ADCK1: variants seen among roughly 807,000 people sequenced by gnomAD.
ADCK1 encodes aarF domain-containing protein kinase 1.
Under a neutral mutation model 52.3 loss-of-function variants are expected in ADCK1, and 41 were observed. That is an observed-to-expected ratio of 0.78 (90% CI 0.61 to 1.02). ADCK1 has a LOEUF of 1.02. ADCK1 is among the 50% of genes least tolerant of loss of function. ADCK1 has a pLI of 0.00. For synonymous variants in ADCK1, 250 were observed against 274.6 expected (o/e 0.91, Z 0.89); for missense variants, 658 against 679.5 (o/e 0.97, Z 0.35).
intron 1 of ADCK1, among the ~76,000 whole-genome samples, chr14:77,813,803 T>C (rs1298048134): frequency 6.6e-6 from 1 of 151,814 alleles, no homozygotes; most frequent in Admixed American, 6.6e-5. Flanking sequence ...AGTCTCATGC[T>C]GTCACCCACG....
At chr14:77,926,938 G>T (rs1338691570) in intron 9 of ADCK1, among the ~76,000 whole-genome samples, 1 of 152,224 alleles carries the variant, frequency 6.6e-6, no homozygotes, top group Non-Finnish European at 1.5e-5. Flanking sequence ...CTATTAATTT[G>T]CCAGACCCAC....
chr14:77,895,496 G>A (rs1295796172), intron 5 of ADCK1, among the ~76,000 whole-genome samples: 1 of 152,226 alleles, frequency 6.6e-6, no homozygotes, highest in Non-Finnish European at 1.5e-5. Flanking sequence ...AACATTGGCT[G>A]TTAGAAGAAT....
intron 4 of ADCK1, among the ~76,000 whole-genome samples, chr14:77,872,922 G>A (rs554636963): frequency 1.3e-5 from 2 of 152,030 alleles, no homozygotes; most frequent in African/African-American, 4.8e-5. Context: ...GTGACCTGCC[G>A]GCCTTGACCT....
rs372953005 is a variant in ADCK1 at position 77,880,116 on chromosome 14, G to A, written c.424-6975G>A. Among the ~76,000 whole-genome samples, 55 of 152,310 alleles carry A rather than the reference G, an allele frequency of 3.6e-4. No homozygotes were observed. The East Asian group carries it at 6.6e-3, about 18-fold the overall frequency. On this transcript the variant is annotated intron_variant, in intron 4 of 10. Coordinates refer to ENST00000238561, the MANE Select transcript of ADCK1 (RefSeq NM_020421.4). The stretch of plus-strand genomic sequence containing the variant: ...AGCTGATAGACGTGTCTCAGAGTGC[G>A]CACACAGCCATCCTGGAGTATGGGT...
intron 7 of ADCK1, 143 bp from the exon 8 acceptor site, chr14:77,924,314 A>G (rs1277266049): frequency 2.3e-5 from 24 of 1,023,702 alleles, no homozygotes; most frequent in Non-Finnish European, 3.2e-5. Context: ...GTCATCTCAA[A>G]CAATCACTCC....
chr14:77,927,488 C>G (rs1208256758), intron 9 of ADCK1, among the ~76,000 whole-genome samples: 1 of 152,190 alleles, frequency 6.6e-6, no homozygotes, highest in Non-Finnish European at 1.5e-5. Context: ...AGCTGAGGAT[C>G]CCATGATGAA....
chr14:77,846,813 C>T (rs552779979), intron 3 of ADCK1, among the ~76,000 whole-genome samples: 2 of 152,212 alleles, frequency 1.3e-5, no homozygotes, highest in Non-Finnish European at 2.9e-5. Context: ...AGGGTTGCTC[C>T]CCTGCTTTTT....
At chr14:77,932,592 G>A (rs2084367042) in intron 10 of ADCK1, among the ~76,000 whole-genome samples, 1 of 152,174 alleles carries the variant, frequency 6.6e-6, no homozygotes, top group Admixed American at 6.5e-5. Context: ...GGTGAAAGGA[G>A]ATTTGACCAC....
In ADCK1 at chr14:77,933,448, T is replaced by A; in HGVS notation, c.*57T>A. 6.3e-7 allele frequency: 1 copy of A among 1,594,530 alleles called. No individual in the cohort carries two copies. Among genetic ancestry groups the A allele is most frequent in the Non-Finnish European group, 8.6e-7 (1 of 1,165,268 alleles). On this transcript the variant is annotated 3_prime_UTR_variant, in exon 11 of 11. Coordinates refer to ENST00000238561, the MANE Select transcript of ADCK1 (RefSeq NM_020421.4). ...TCTTTCCACTCCTCAGCCCCTCATC[T>A]TGCCTCCACCCAGCTGCTCCATTTT...
chr14:77,829,950 T>G lies in ADCK1; in HGVS notation c.219+7432T>G, dbSNP rs187677813. Among the ~76,000 whole-genome samples, 7 of 151,154 alleles carry G rather than the reference T, an allele frequency of 4.6e-5. No individual in the cohort carries two copies. The East Asian group carries it at 1.4e-3, about 30-fold the overall frequency. On this transcript the variant is annotated intron_variant, in intron 3 of 10. Transcript: ENST00000238561. ...TTGGGGGTTGTCTATAAGAAAAAGA[T>G]TAATTCAATGTTACTGGAGACTAGG...
In ADCK1 at chr14:77,859,219, G is replaced by A; in HGVS notation, c.363G>A (p.Gln121=). The part of the protein sequence containing the change: ...YTSTLKVLHS[Q]APQSSMQEIR... ...GCACGCTGAAGGTACTGCACAGCCA[G>A]GCTCCACAGAGCAGCATGCAAGAGA... is the stretch of plus-strand genomic sequence containing the variant. Residue 121 remains glutamine (Q), a synonymous_variant, in exon 4 of 11, where the codon CAG becomes CAA. Coordinates refer to ENST00000238561, the MANE Select transcript of ADCK1 (RefSeq NM_020421.4). The A allele has an allele frequency of 6.2e-7, 1 of 1,614,056 alleles. No homozygotes were observed. Among genetic ancestry groups the A allele is most frequent in the Non-Finnish European group, 8.5e-7 (1 of 1,179,996 alleles).
intron 7 of ADCK1, among the ~76,000 whole-genome samples, chr14:77,921,326 C>CAAAAGAAAAA (rs2084048490): frequency 2.4e-5 from 1 of 41,208 alleles, no homozygotes; most frequent in Non-Finnish European, 4.9e-5. Flanking sequence ...GACTCTGTCT[C>CAAAAGAAAAA]AAAAAAAAAA....
intron 4 of ADCK1, among the ~76,000 whole-genome samples, chr14:77,881,628 A>G (rs2083027279): frequency 6.6e-6 from 1 of 152,188 alleles, no homozygotes; most frequent in African/African-American, 2.4e-5. Flanking sequence ...TGCTTAGGAC[A>G]CTGCAGTGGT....
chr14:77,886,618 ACTG>A (rs2083153022), intron 4 of ADCK1, among the ~76,000 whole-genome samples: 1 of 152,174 alleles, frequency 6.6e-6, no homozygotes, highest in African/African-American at 2.4e-5. Flanking sequence ...CTGGTACACA[ACTG>A]ATAAAGCAAA....
At chr14:77,896,185 A>G (rs537362726) in intron 5 of ADCK1, among the ~76,000 whole-genome samples, 1 of 152,330 alleles carries the variant, frequency 6.6e-6, no homozygotes, top group South Asian at 2.1e-4. Context: ...GTAACTGGAA[A>G]ATCTTTAATG....
intron 3 of ADCK1, among the ~76,000 whole-genome samples, chr14:77,829,518 A>G (rs2081795205): frequency 6.6e-6 from 1 of 151,144 alleles, no homozygotes; most frequent in Non-Finnish European, 1.5e-5. Context: ...GCTGGTCTTG[A>G]ACTCCTGGCC....
intron 4 of ADCK1, among the ~76,000 whole-genome samples, chr14:77,878,649 C>T (rs1386737587): frequency 6.6e-6 from 1 of 152,234 alleles, no homozygotes; most frequent in Non-Finnish European, 1.5e-5. Flanking sequence ...GGTTACCTGC[C>T]TGGCCTGGGC....
intron 5 of ADCK1, among the ~76,000 whole-genome samples, chr14:77,889,628 G>A (rs1174772068): frequency 6.6e-6 from 1 of 152,204 alleles, no homozygotes; most frequent in Non-Finnish European, 1.5e-5. Flanking sequence ...AACCTAGCTG[G>A]CAGCAAGTTG....
chr14:77,898,413 G>T (rs1169911951), intron 5 of ADCK1, among the ~76,000 whole-genome samples: 1 of 152,144 alleles, frequency 6.6e-6, no homozygotes, highest in Admixed American at 6.5e-5. Flanking sequence ...TGGGAGACTG[G>T]ATAAAGAAAA....
Sources: gnomAD v4.1 joint callset for allele counts (sites outside exome capture counted in the v4.1 genomes callset) on GRCh38, gnomAD v4.1.1 for gene constraint, MANE v1.5 for transcripts, NCBI Gene and HGNC (gene_info 2026-07-23, HGNC 2026-07-21) for gene names.